The following SLC35A1 variants were observed in gnomAD, a reference collection of about 807,000 sequenced individuals.
SLC35A1 encodes the protein solute carrier family 35 member A1.
Under a neutral mutation model 40.3 loss-of-function variants are expected in SLC35A1, and 21 were observed. The observed-to-expected ratio is 0.52, with a 90% CI of 0.37 to 0.75. The LOEUF (loss-of-function observed/expected upper bound fraction) is 0.75. Among genes scored for constraint, SLC35A1 ranks in the 30% least tolerant of loss-of-function variants. The pLI is 0.00. For missense variants in SLC35A1, 297 were observed against 382.1 expected, an observed-to-expected ratio of 0.78 and a Z score of 1.86; for synonymous variants, 146 against 147.3, an observed-to-expected ratio of 0.99 and a Z score of 0.06.
At position 87,498,765 on chromosome 6, in the gene SLC35A1, G is replaced by A. The variant is rs567984652; in HGVS notation, c.195-1743G>A. Among the ~76,000 whole-genome samples, 178 of 151,968 alleles carry A rather than the reference G, an allele frequency of 1.2e-3. 1 individual carries two copies. The highest frequency in any genetic ancestry group is 3.4e-3 in the Middle Eastern group (1 of 294). The stretch of plus-strand genomic sequence containing the variant: ...AGGTTGGGTGACAGAGAAAGACTCC[G>A]TCTCAAAAAAAACAAAACAAAACAA... On this transcript the variant is annotated intron_variant, in intron 2 of 7. Coordinates refer to ENST00000369552, the MANE Select transcript of SLC35A1 (RefSeq NM_006416.5).
intron 4 of SLC35A1, among the ~76,000 whole-genome samples, chr6:87,505,874 C>A (rs1770065720): frequency 6.6e-6 from 1 of 152,136 alleles, no homozygotes; most frequent in African/African-American, 2.4e-5. Flanking sequence ...AGTTGACATT[C>A]AAACCACAGC....
chr6:87,490,244 A>G (rs1370696002), intron 2 of SLC35A1, among the ~76,000 whole-genome samples: 5 of 152,040 alleles, frequency 3.3e-5, no homozygotes, highest in Admixed American at 6.6e-5. Flanking sequence ...AAAATTATAA[A>G]TGCAATTTAC....
intron 1 of SLC35A1, among the ~76,000 whole-genome samples, chr6:87,476,593 C>A (rs574144682): frequency 2.0e-5 from 3 of 151,362 alleles, no homozygotes; most frequent in Middle Eastern, 3.2e-3. Context: ...GGTGTAGTGG[C>A]GGGTGCCTGT....
intron 2 of SLC35A1, among the ~76,000 whole-genome samples, chr6:87,487,645 A>G (rs538414894): frequency 1.1e-3 from 161 of 152,222 alleles, no homozygotes; most frequent in Non-Finnish European, 1.6e-3. Flanking sequence ...TATACTTAGG[A>G]ACATCAGACA....
intron 2 of SLC35A1, among the ~76,000 whole-genome samples, chr6:87,485,500 C>T (rs1436788945): frequency 1.3e-5 from 2 of 152,018 alleles, no homozygotes; most frequent in African/African-American, 2.4e-5. Flanking sequence ...TGTGGTGGCT[C>T]ACACCTGTAA....
intron 2 of SLC35A1, among the ~76,000 whole-genome samples, chr6:87,481,359 GT>G (rs1346301289): frequency 1.3e-5 from 2 of 151,672 alleles, no homozygotes; most frequent in African/African-American, 4.9e-5. Context: ...GGAGGTTGTG[GT>G]GAGCCGAGAT....
At chr6:87,484,891 C>T (rs893194611) in intron 2 of SLC35A1, among the ~76,000 whole-genome samples, 1 of 152,148 alleles carries the variant, frequency 6.6e-6, no homozygotes, top group African/African-American at 2.4e-5. Flanking sequence ...AATACATGGC[C>T]AGACTGTGGG....
intron 2 of SLC35A1, among the ~76,000 whole-genome samples, chr6:87,486,278 G>C (rs1769387635): frequency 6.6e-6 from 1 of 152,024 alleles, no homozygotes; most frequent in Non-Finnish European, 1.5e-5. Context: ...ACCATGTTTT[G>C]GTTATAATTA....
intron 2 of SLC35A1, among the ~76,000 whole-genome samples, chr6:87,498,193 CACAA>C (rs765490758): frequency 1.1e-4 from 16 of 152,106 alleles, no homozygotes; most frequent in Admixed American, 2.6e-4. Flanking sequence ...GAAGCATGGG[CACAA>C]ACAGCCACCT....
At chr6:87,508,655 T>G (rs1419584199) in intron 6 of SLC35A1, 59 bp downstream of exon 6, 1 of 1,315,432 alleles carries the variant, frequency 7.6e-7, no homozygotes, top group Non-Finnish European at 1.1e-6. Flanking sequence ...TTAAGTTAGA[T>G]GTCCATTTTA....
At chr6:87,511,368 C>T (rs557206231) in intron 7 of SLC35A1, 31 bp from the exon 8 acceptor site, 3 of 1,611,200 alleles carry the variant, frequency 1.9e-6, no homozygotes, top group Admixed American at 1.7e-5. Context: ...GACACACATA[C>T]AGATAAAGCT....
intron 6 of SLC35A1, among the ~76,000 whole-genome samples, 194 bp from the exon 7 acceptor site, chr6:87,508,847 C>T (rs988627767): frequency 6.6e-6 from 1 of 151,176 alleles, no homozygotes; most frequent in Non-Finnish European, 1.5e-5. Flanking sequence ...GCCCTCTGGG[C>T]ATTGTTTTGG....
rs1050260888 is a variant in SLC35A1 at position 87,508,390 on chromosome 6, T to G, written c.575-30T>G. On this transcript the variant is annotated intron_variant, in intron 5 of 7. Transcript: ENST00000369552. ...ATTTTAAGTTAATTTATAGTAATCT[T>G]TAATATTTGCATGTCTAATTTTCTT... The G allele has an allele frequency of 4.3e-6, 6 of 1,407,584 alleles. No individual in the cohort carries two copies. In the African/African-American group the frequency reaches 8.5e-5, roughly 20 times the overall value. The allele number at this position is 1,407,584 out of a possible 1,614,324, so 87.2% of individuals were successfully genotyped here. A position where few individuals can be genotyped will look rare whatever the true frequency, so the allele number is the denominator to read the frequency against.
intron 2 of SLC35A1, chr6:87,488,187 C>T (rs1003908439): frequency 6.6e-6 from 1 of 152,144 alleles, no homozygotes; most frequent in South Asian, 2.1e-4. Flanking sequence ...GAAGAGAGGT[C>T]TGGGCTAGAG....
intron 2 of SLC35A1, among the ~76,000 whole-genome samples, chr6:87,492,181 A>G (rs1267687200): frequency 6.6e-6 from 1 of 152,200 alleles, no homozygotes; most frequent in Non-Finnish European, 1.5e-5. Flanking sequence ...CAGTACTGAT[A>G]TAGTACTATT....
chr6:87,509,519 T>C (rs1371798498), intron 7 of SLC35A1, among the ~76,000 whole-genome samples: 1 of 152,230 alleles, frequency 6.6e-6, no homozygotes, highest in African/African-American at 2.4e-5. Flanking sequence ...GAAATACATA[T>C]AAAGACTTTA....
intron 3 of SLC35A1, 138 bp downstream of exon 3, chr6:87,500,805 T>C: frequency 1.2e-6 from 1 of 842,242 alleles, no homozygotes; most frequent in South Asian, 1.6e-5. Flanking sequence ...TGGAGTGCAG[T>C]GACGTGATCT....
At chr6:87,478,945 G>C (rs1416353179) in intron 2 of SLC35A1, among the ~76,000 whole-genome samples, 2 of 152,084 alleles carry the variant, frequency 1.3e-5, no homozygotes, top group African/African-American at 4.8e-5. Context: ...TCCCCTATTG[G>C]CTAGGGTTAG....
chr6:87,508,873 T>A (rs1770169219), intron 6 of SLC35A1, among the ~76,000 whole-genome samples, 168 bp from the exon 7 acceptor site: 1 of 128,586 alleles, frequency 7.8e-6, no homozygotes, highest in Non-Finnish European at 1.7e-5. Context: ...CAGTGTTATA[T>A]AGGAACTACC....
Sources: gnomAD v4.1 joint callset for allele counts (sites outside exome capture counted in the v4.1 genomes callset) on GRCh38, gnomAD v4.1.1 for gene constraint, MANE v1.5 for transcripts, NCBI Gene and HGNC (gene_info 2026-07-23, HGNC 2026-07-21) for gene names.